The following GRIN2A variants were observed in gnomAD, a reference collection of about 807,000 sequenced individuals.
GRIN2A encodes the protein glutamate ionotropic receptor NMDA type subunit 2A, also known as glutamate receptor ionotropic, NMDA 2A.
GRIN2A carries 22 observed loss-of-function variants against 113.4 expected under a neutral mutation model. That is an observed-to-expected ratio of 0.19 (90% confidence interval 0.14 to 0.28). The LOEUF (loss-of-function observed/expected upper bound fraction) is 0.28. Among genes scored for constraint, GRIN2A ranks in the 10% least tolerant of loss-of-function variants. The pLI is 1.00. For missense variants in GRIN2A, 1,502 were observed against 1,887.0 expected, an observed-to-expected ratio of 0.80 and a Z score of 3.78; for synonymous variants, 827 against 738.4, an observed-to-expected ratio of 1.12 and a Z score of -1.94.
chr16:9,803,216 C>A (rs1289921902), intron 10 of GRIN2A, among the ~76,000 whole-genome samples: 2 of 152,002 alleles, frequency 1.3e-5, no homozygotes, highest in Non-Finnish European at 2.9e-5. Context: ...ACCAGCTTGA[C>A]CAACATGGAG....
chr16:10,146,187 G>A (rs534730301), intron 2 of GRIN2A, among the ~76,000 whole-genome samples: 3 of 151,958 alleles, frequency 2.0e-5, no homozygotes, highest in Admixed American at 6.6e-5. Flanking sequence ...GTGCGATCTC[G>A]GCTCACTGCA....
intron 4 of GRIN2A, among the ~76,000 whole-genome samples, chr16:9,872,718 C>CA (rs1162177974): frequency 6.6e-6 from 1 of 152,030 alleles, no homozygotes; most frequent in Non-Finnish European, 1.5e-5. Context: ...TGAAGCAACT[C>CA]AGACACAGAG....
At chr16:9,913,910 G>A (rs895092813) in intron 3 of GRIN2A, among the ~76,000 whole-genome samples, 3 of 152,000 alleles carry the variant, frequency 2.0e-5, no homozygotes, top group African/African-American at 7.3e-5. Flanking sequence ...TCTCCTTTGG[G>A]AGGGATATTG....
chr16:9,808,160 C>A (rs1204609907), intron 10 of GRIN2A, among the ~76,000 whole-genome samples: 2 of 152,204 alleles, frequency 1.3e-5, no homozygotes, highest in Non-Finnish European at 2.9e-5. Flanking sequence ...TTTGTTCAGA[C>A]TTTTCTTGAA....
In GRIN2A at chr16:10,047,495, T is replaced by A. The variant is rs551156122; in HGVS notation, c.415-108944A>T. The stretch of plus-strand genomic sequence containing the variant: ...AAAGATTATTGTCTGCTTTTAGGAA[T>A]TAGGACCTCAGTTCCTGTTAATCTT... On this transcript the variant is annotated intron_variant, in intron 2 of 12. Transcript: ENST00000330684. 2.6e-5 allele frequency among the ~76,000 whole-genome samples: 4 copies of A among 152,376 alleles called. No homozygotes were observed. The South Asian group carries it at 8.3e-4, about 32-fold the overall frequency.
At chr16:9,773,530 C>G (rs2267772) in intron 11 of GRIN2A, among the ~76,000 whole-genome samples, 100,496 of 152,058 alleles carry the variant, frequency 0.66, 33,581 homozygotes, top group African/African-American at 0.73. Flanking sequence ...TTGCTGGGAA[C>G]ACACAAGCTA....
intron 2 of GRIN2A, among the ~76,000 whole-genome samples, chr16:10,151,281 G>C (rs1187633918): frequency 5.3e-5 from 8 of 152,198 alleles, no homozygotes; most frequent in African/African-American, 1.9e-4. Flanking sequence ...AAGTTTGTGA[G>C]TTCCCCCTCT....
intron 2 of GRIN2A, among the ~76,000 whole-genome samples, chr16:9,957,698 A>T (rs1313926381): frequency 6.6e-6 from 1 of 152,198 alleles, no homozygotes; most frequent in Non-Finnish European, 1.5e-5. Flanking sequence ...GCACGTCAAA[A>T]TGGGGCTATC....
intron 11 of GRIN2A, among the ~76,000 whole-genome samples, chr16:9,771,463 TTTTGTTATATAG>T (rs1189643375): frequency 8.5e-5 from 13 of 152,296 alleles, no homozygotes; most frequent in Non-Finnish European, 1.3e-4. Context: ...TATCCCATCC[TTTTGTTATATAG>T]TTTGTTATAT....
chr16:9,939,575 A>G (rs1044672683), intron 2 of GRIN2A, among the ~76,000 whole-genome samples: 1 of 152,186 alleles, frequency 6.6e-6, no homozygotes, highest in African/African-American at 2.4e-5. Flanking sequence ...GTGGTACAAT[A>G]TACAAACTGC....
At chr16:9,806,772 G>A (rs2041976913) in intron 10 of GRIN2A, among the ~76,000 whole-genome samples, 1 of 151,998 alleles carries the variant, frequency 6.6e-6, no homozygotes, top group African/African-American at 2.4e-5. Flanking sequence ...AGAAAAAAGG[G>A]GGGAAAGAAA....
At chr16:9,970,547 G>A (rs983779151) in intron 2 of GRIN2A, among the ~76,000 whole-genome samples, 15 of 152,172 alleles carry the variant, frequency 9.9e-5, no homozygotes, top group African/African-American at 3.1e-4. Context: ...AGATTCACTT[G>A]GCTGCTGGAG....
chr16:9,765,214 C>A (rs541210370), intron 12 of GRIN2A, among the ~76,000 whole-genome samples: 3 of 152,134 alleles, frequency 2.0e-5, no homozygotes, highest in African/African-American at 7.2e-5. Context: ...AGGTATCAAC[C>A]GATGCTCATA....
At chr16:10,055,693 C>T (rs968480143) in intron 2 of GRIN2A, among the ~76,000 whole-genome samples, 2 of 152,160 alleles carry the variant, frequency 1.3e-5, no homozygotes, top group African/African-American at 4.8e-5. Flanking sequence ...TTCAACTAAG[C>T]CCTTCCTTAG....
chr16:10,087,070 T>C (rs192643271), intron 2 of GRIN2A, among the ~76,000 whole-genome samples: 3 of 152,194 alleles, frequency 2.0e-5, no homozygotes, highest in South Asian at 2.1e-4. Flanking sequence ...AGTCGATGAA[T>C]GCAGTGGCTA....
rs149574958 is a variant in GRIN2A at position 9,918,895 on chromosome 16, C to T, written c.1007+19064G>A. On this transcript the variant is annotated intron_variant, in intron 3 of 12. Coordinates refer to ENST00000330684, the MANE Select transcript of GRIN2A (RefSeq NM_001134407.3). Reference sequence around the variant, plus strand: ...TAGTGGTTAATGTCTGAAATTGGAGCGGCGCGGTGGCTCATGCCTGTAATC... The same window carrying T: ...TAGTGGTTAATGTCTGAAATTGGAGTGGCGCGGTGGCTCATGCCTGTAATC... 7.7e-4 allele frequency among the ~76,000 whole-genome samples: 116 copies of T among 151,560 alleles called. 1 individual carries two copies. The highest frequency in any genetic ancestry group is 1.4e-3 in the Admixed American group (22 of 15,236).
chr16:10,172,048 T>A (rs865842772), intron 2 of GRIN2A, among the ~76,000 whole-genome samples: 2 of 152,186 alleles, frequency 1.3e-5, no homozygotes, highest in African/African-American at 4.8e-5. Flanking sequence ...CAAAGATAAC[T>A]GCTATTCATA....
chr16:10,165,822 G>C (rs1013954188), intron 2 of GRIN2A, among the ~76,000 whole-genome samples: 11 of 151,414 alleles, frequency 7.3e-5, no homozygotes, highest in African/African-American at 2.7e-4. Context: ...AAAAAGAAGA[G>C]AGGAGAAGAG....
At chr16:9,794,477 G>A (rs1471781190) in intron 11 of GRIN2A, among the ~76,000 whole-genome samples, 3 of 152,186 alleles carry the variant, frequency 2.0e-5, no homozygotes, top group African/African-American at 4.8e-5. Flanking sequence ...CATACGATAA[G>A]TGAAATATTT....
Sources: gnomAD v4.1 joint callset for allele counts (sites outside exome capture counted in the v4.1 genomes callset) on GRCh38, gnomAD v4.1.1 for gene constraint, MANE v1.5 for transcripts, NCBI Gene and HGNC (gene_info 2026-07-23, HGNC 2026-07-21) for gene names.